The following NCF2 variants were observed in gnomAD, a reference collection of about 807,000 sequenced individuals.
The protein encoded by NCF2 is neutrophil cytosolic factor 2.
NCF2 carries 45 observed loss-of-function variants against 70.9 expected under a neutral mutation model. That is an observed-to-expected ratio of 0.63 (90% CI 0.50 to 0.81). The LOEUF is 0.81. Ranked by LOEUF, NCF2 falls within the 40% of genes least tolerant of loss-of-function variation. The pLI is 0.00. For synonymous variants in NCF2, 203 were observed against 233.6 expected, an observed-to-expected ratio of 0.87 and a Z score of 1.19; for missense variants, 522 against 631.6, an observed-to-expected ratio of 0.83 and a Z score of 1.86.
At chr1:183,567,968 G>A (rs1055116140) in intron 7 of NCF2, among the ~76,000 whole-genome samples, 79 of 152,090 alleles carry the variant, frequency 5.2e-4, no homozygotes, top group East Asian at 1.9e-4. Flanking sequence ...ACTTTGGAAC[G>A]TGTGACTGAG....
intron 2 of NCF2, among the ~76,000 whole-genome samples, chr1:183,578,449 C>T (rs2102914466): frequency 6.6e-6 from 1 of 152,162 alleles, no homozygotes; most frequent in Admixed American, 6.5e-5. Context: ...GCTCCACCTC[C>T]CAGGTTCAAG....
In NCF2 at chr1:183,573,185, C is replaced by T. The variant is rs147657171; in HGVS notation, c.609G>A (p.Thr203=). Reference sequence around the variant, plus strand: ...GGGGAAGCTGAGCAATCCCACCTACCGTCGCCTTGCCTAGGTAATCCTTCT... The same window carrying T: ...GGGGAAGCTGAGCAATCCCACCTACTGTCGCCTTGCCTAGGTAATCCTTCT... ...LAKKDYLGKA[T]VVASVVDQDS... is the part of the protein sequence containing the mutation. Residue 203 remains threonine, a splice_region_variant and synonymous_variant, in exon 5 of 15, where the codon ACG becomes ACA. Coordinates refer to ENST00000367535, the MANE Select transcript of NCF2 (RefSeq NM_000433.4). The T allele has an allele frequency of 1.0e-4, 161 of 1,613,718 alleles. No individual in the cohort carries two copies. The highest frequency in any genetic ancestry group is 1.3e-4 in the Non-Finnish European group (148 of 1,179,810).
chr1:183,569,554 T>C (rs1027887701), intron 6 of NCF2, among the ~76,000 whole-genome samples: 2 of 152,222 alleles, frequency 1.3e-5, no homozygotes, highest in Non-Finnish European at 2.9e-5. Flanking sequence ...ATGTCTACTA[T>C]GTCACATGAC....
chr1:183,563,353 A>G, intron 12 of NCF2, 47 bp from the exon 13 acceptor site: 1 of 1,613,744 alleles, frequency 6.2e-7, no homozygotes. Flanking sequence ...ACATCATCAC[A>G]AAAACCATCC....
chr1:183,565,559 A>G (rs539789892), intron 10 of NCF2, 145 bp downstream of exon 10: 4 of 765,616 alleles, frequency 5.2e-6, no homozygotes, highest in African/African-American at 1.7e-5. Flanking sequence ...GGAAAGGGGG[A>G]TTCTGGGGCT....
intron 5 of NCF2, 49 bp downstream of exon 5, chr1:183,573,136 A>G (rs372619316): frequency 2.4e-4 from 367 of 1,559,294 alleles, no homozygotes; most frequent in Non-Finnish European, 3.2e-4. Context: ...CTTGCTCCAC[A>G]TGGCCCGGGC....
chr1:183,565,646 G>A, intron 10 of NCF2, 58 bp downstream of exon 10: 1 of 1,546,872 alleles, frequency 6.5e-7, no homozygotes, highest in South Asian at 1.1e-5. Flanking sequence ...AGGAACTCAG[G>A]AAGCAGCCTG....
chr1:183,564,090 G>A (rs1672200939), intron 10 of NCF2, 60 bp from the exon 11 acceptor site: 7 of 1,518,022 alleles, frequency 4.6e-6, no homozygotes, highest in Non-Finnish European at 6.4e-6. Context: ...TCCTTGGCCA[G>A]CCCCTGCCAC....
chr1:183,563,795 C>A, intron 11 of NCF2: 1 of 808,706 alleles, frequency 1.2e-6, no homozygotes, highest in South Asian at 1.6e-5. Context: ...TGAGTAAGAT[C>A]TGGCCCACTA....
chr1:183,583,172 C>G (rs965751318), intron 2 of NCF2, among the ~76,000 whole-genome samples: 2 of 152,126 alleles, frequency 1.3e-5, no homozygotes, highest in Non-Finnish European at 2.9e-5. Context: ...CCTGCCTCAG[C>G]GTCCCAAGTA....
At chr1:183,599,478 CTTTCT>C in the NCF2 span, among the ~76,000 whole-genome samples, 25 of 125,368 alleles carry the variant, frequency 2.0e-4, no homozygotes, top group African/African-American at 7.5e-4. Context: ...TTCTTTCTTT[CTTTCT>C]CTTTTCTTTC....
At chr1:183,573,113 G>C in intron 5 of NCF2, 72 bp downstream of exon 5, 1 of 1,374,946 alleles carries the variant, frequency 7.3e-7, no homozygotes, top group Non-Finnish European at 1.0e-6. Flanking sequence ...CTCTTCTCAA[G>C]AGTCCCTCCC....
chr1:183,573,053 A>G, intron 5 of NCF2, 132 bp downstream of exon 5: 1 of 838,838 alleles, frequency 1.2e-6, no homozygotes, highest in Non-Finnish European at 2.1e-6. Context: ...TCTGTCCTAT[A>G]AACAAGTCTC....
At chr1:183,593,692 TTGTAACTGTA>T (rs1673725877), upstream of NCF2, among the ~76,000 whole-genome samples, 1 of 152,262 alleles carries the variant, frequency 6.6e-6, no homozygotes, top group South Asian at 2.1e-4. Flanking sequence ...TTGTTACAGT[TTGTAACTGTA>T]TGTCATCTGT....
At chr1:183,578,337 G>A (rs889041704) in intron 2 of NCF2, among the ~76,000 whole-genome samples, 2 of 151,848 alleles carry the variant, frequency 1.3e-5, no homozygotes, top group Non-Finnish European at 2.9e-5. Flanking sequence ...AACCACTTAT[G>A]CTATATAGTA....
At chr1:183,580,143 T>TA (rs1672993984) in intron 2 of NCF2, among the ~76,000 whole-genome samples, 1 of 152,198 alleles carries the variant, frequency 6.6e-6, no homozygotes, top group Admixed American at 6.5e-5. Flanking sequence ...TCACACATGG[T>TA]AGCAGTGGCT....
At chr1:183,577,842 T>C (rs1415097796) in intron 2 of NCF2, 135 bp from the exon 3 acceptor site, 4 of 716,584 alleles carry the variant, frequency 5.6e-6, no homozygotes, top group African/African-American at 1.7e-5. Flanking sequence ...TGACCTGTTC[T>C]AGTTTTCAGC....
the NCF2 span, among the ~76,000 whole-genome samples, chr1:183,600,394 G>A: frequency 3.3e-5 from 5 of 152,304 alleles, no homozygotes; most frequent in South Asian, 1.0e-3. Context: ...TCAACAACCT[G>A]CCCTAGCCAG....
At chr1:183,581,491 T>G (rs990178426) in intron 2 of NCF2, among the ~76,000 whole-genome samples, 2 of 151,592 alleles carry the variant, frequency 1.3e-5, no homozygotes, top group African/African-American at 4.8e-5. Flanking sequence ...ATTACTTATT[T>G]TATTTATTAA....
Sources: gnomAD v4.1 joint callset for allele counts (sites outside exome capture counted in the v4.1 genomes callset) on GRCh38, gnomAD v4.1.1 for gene constraint, MANE v1.5 for transcripts, NCBI Gene and HGNC (gene_info 2026-07-23, HGNC 2026-07-21) for gene names.